The following NR1D1 variants were observed in gnomAD, a reference collection of about 807,000 sequenced individuals.
NR1D1 encodes nuclear receptor subfamily 1 group D member 1.
NR1D1 carries 17 observed loss-of-function variants against 51.1 expected under a neutral mutation model. That is an observed-to-expected ratio of 0.33 (90% CI 0.23 to 0.50). The LOEUF is 0.50. NR1D1 is among the 20% of genes least tolerant of loss of function. NR1D1 has a pLI of 0.98. For synonymous variants in NR1D1, 341 were observed against 333.4 expected, an observed-to-expected ratio of 1.02 and a Z score of -0.25; for missense variants, 647 against 830.4, an observed-to-expected ratio of 0.78 and a Z score of 2.71.
At chr17:40,094,879 C>G (rs979996429) in intron 6 of NR1D1, 56 bp downstream of exon 6, 10 of 1,566,298 alleles carry the variant, frequency 6.4e-6, no homozygotes, top group East Asian at 2.3e-5. Flanking sequence ...GCCTGGGCGA[C>G]AAGCGAAACT....
intron 1 of NR1D1, among the ~76,000 whole-genome samples, chr17:40,098,297 C>T (rs534663465): frequency 3.3e-4 from 51 of 152,330 alleles, no homozygotes; most frequent in African/African-American, 1.1e-3. Flanking sequence ...GATCCCAGGA[C>T]ACATGTGACC....
chr17:40,094,149 T>C (rs1276309100), intron 6 of NR1D1, 27 bp from the exon 7 acceptor site: 3 of 1,606,572 alleles, frequency 1.9e-6, no homozygotes, highest in Non-Finnish European at 2.6e-6. Flanking sequence ...ACAGTCATCC[T>C]GGGTGTGGTG....
chr17:40,098,176 A>C (rs1168011501), intron 1 of NR1D1, among the ~76,000 whole-genome samples: 1 of 152,192 alleles, frequency 6.6e-6, no homozygotes, highest in African/African-American at 2.4e-5. Flanking sequence ...TTACATTGCC[A>C]ATGAGGTGGC....
chr17:40,098,912 A>C (rs1177855066), intron 1 of NR1D1, among the ~76,000 whole-genome samples: 1 of 152,028 alleles, frequency 6.6e-6, no homozygotes, highest in African/African-American at 2.4e-5. Flanking sequence ...AGTGGAAAGG[A>C]GTGAGAAGGG....
At chr17:40,097,896 A>C (rs1193606319) in intron 1 of NR1D1, among the ~76,000 whole-genome samples, 1 of 152,358 alleles carries the variant, frequency 6.6e-6, no homozygotes, top group East Asian at 1.9e-4. Flanking sequence ...GGTTTACAAA[A>C]GTAAGACAGT....
intron 6 of NR1D1, 99 bp from the exon 7 acceptor site, chr17:40,094,221 AT>A: frequency 9.6e-7 from 1 of 1,046,106 alleles, no homozygotes; most frequent in Non-Finnish European, 1.5e-6. Flanking sequence ...GCTGCCTTCG[AT>A]TTCTCAGTAG....
Position 40,097,140 on chromosome 17 carries a change from G to T in NR1D1, c.295C>A (p.Pro99Thr). The change falls in exon 2 of 8, where the codon CCC (proline) becomes ACC (threonine). Residue 99 changes from proline to threonine, a missense_variant. Pro to Thr is a conservative substitution (Grantham distance 38, BLOSUM62 -1). Coordinates refer to ENST00000246672, the MANE Select transcript of NR1D1 (RefSeq NM_021724.5). ...ATGGCCACTTGTAGACTCCCAGGGGGGCTCCCATTATAGAAGGAGGAGGAG... is the reference window on the plus strand; with the variant it reads ...ATGGCCACTTGTAGACTCCCAGGGGTGCTCCCATTATAGAAGGAGGAGGAG... Reference protein sequence around the residue: ...SSSSSFYNGSPPGSLQVAMED... With the variant: ...SSSSSFYNGSTPGSLQVAMED... The T allele has an allele frequency of 6.2e-7, 1 of 1,611,268 alleles. No homozygotes were observed. Among genetic ancestry groups the T allele is most frequent in the Middle Eastern group, 1.7e-4 (1 of 6,048 alleles).
In NR1D1 at chr17:40,100,163, G is replaced by T; in HGVS notation, c.-69C>A. 7.9e-7 allele frequency: 1 copy of T among 1,267,760 alleles called. No homozygotes were observed. The highest frequency in any genetic ancestry group is 1.2e-6 in the Non-Finnish European group (1 of 865,770). 78.5% of individuals were successfully genotyped at this position (1,267,760 alleles called of 1,614,324 possible). A position where few individuals can be genotyped will look rare whatever the true frequency, so the allele number is the denominator to read the frequency against. Reference sequence around the variant, plus strand: ...CAAACTAGAGGTTGCGATCGCCGCTGTTGCCCCCTGGGCACTGGCTAAGGG... The same window carrying T: ...CAAACTAGAGGTTGCGATCGCCGCTTTTGCCCCCTGGGCACTGGCTAAGGG... On this transcript the variant is annotated 5_prime_UTR_variant, in exon 1 of 8. Coordinates refer to ENST00000246672, the MANE Select transcript of NR1D1 (RefSeq NM_021724.5).
In NR1D1 at chr17:40,100,553, G is replaced by A. The variant is rs199703673; in HGVS notation, c.-459C>T. 54 of 436,970 alleles carry A rather than the reference G, an allele frequency of 1.2e-4. No homozygotes were observed. Among genetic ancestry groups the A allele is most frequent in the Non-Finnish European group, 1.3e-4 (33 of 247,234 alleles). The allele number at this position is 436,970 out of a possible 1,614,324, so 27.1% of individuals were successfully genotyped here. On this transcript the variant is annotated 5_prime_UTR_variant, in exon 1 of 8. Transcript: ENST00000246672. ...CGAGTCGCAAAGAGGCGAGACGTGT[G>A]CCCTGCTACGTTCCCTCGGCAGTAA...
chr17:40,094,828 G>A (rs1987713866), intron 6 of NR1D1, 107 bp downstream of exon 6: 3 of 1,020,682 alleles, frequency 2.9e-6, no homozygotes, highest in Non-Finnish European at 4.3e-6. Context: ...AACCCAGGAG[G>A]TGGAGGTTGC....
chr17:40,098,177 A>G (rs1232757853), intron 1 of NR1D1, among the ~76,000 whole-genome samples: 2 of 152,200 alleles, frequency 1.3e-5, no homozygotes, highest in African/African-American at 4.8e-5. Context: ...TACATTGCCA[A>G]TGAGGTGGCT....
intron 5 of NR1D1, 124 bp from the exon 6 acceptor site, chr17:40,095,244 TC>T: frequency 1.7e-6 from 2 of 1,172,504 alleles, no homozygotes; most frequent in Non-Finnish European, 2.4e-6. Flanking sequence ...GATGGGTCTT[TC>T]AGATAAAGTA....
chr17:40,092,885 A>C lies in NR1D1; in HGVS notation c.*198T>G. The C allele has an allele frequency of 1.6e-6, 2 of 1,271,714 alleles. No individual in the cohort carries two copies. The highest frequency in any genetic ancestry group is 2.8e-4 in the Middle Eastern group (1 of 3,572). The allele number at this position is 1,271,714 out of a possible 1,614,324, so 78.8% of individuals were successfully genotyped here. The stretch of plus-strand genomic sequence containing the variant: ...GGAGACAGAGTGGTTTAAATAGGGG[A>C]GGAGGGGAAGTTCGGTGATGGGGGA... On this transcript the variant is annotated 3_prime_UTR_variant, in exon 8 of 8. Transcript: ENST00000246672.
intron 5 of NR1D1, 57 bp from the exon 6 acceptor site, chr17:40,095,177 G>T: frequency 6.5e-7 from 1 of 1,529,118 alleles, no homozygotes; most frequent in Non-Finnish European, 8.9e-7. Flanking sequence ...TCAGATGGAC[G>T]CCCCGAGCAG....
In NR1D1 at chr17:40,093,423, T is replaced by C; in HGVS notation, c.1646-141A>G. The C allele has an allele frequency of 6.3e-7, 1 of 1,581,362 alleles. No homozygotes were observed. The highest frequency in any genetic ancestry group is 8.6e-7 in the Non-Finnish European group (1 of 1,162,912). On this transcript the variant is annotated intron_variant, in intron 7 of 7. Transcript: ENST00000246672. The surrounding 1 kb of genome is among the most constrained non-coding windows in gnomAD (Gnocchi z 5.9). ...CGATGGGGAAGGAGAAGGAGTGCCA[T>C]ACCTTCTCCCAGGCCTCTGCCCCAA... is the stretch of plus-strand genomic sequence containing the variant.
intron 1 of NR1D1, among the ~76,000 whole-genome samples, chr17:40,098,714 C>A (rs149771287): frequency 6.6e-6 from 1 of 152,310 alleles, no homozygotes; most frequent in African/African-American, 2.4e-5. Context: ...AGTATCATTT[C>A]AGCTATGATT....
At position 40,100,347 on chromosome 17, in the gene NR1D1, C is replaced by T. The variant is rs201754351; in HGVS notation, c.-253G>A. ...GAGAGAGTGTGTAGGGGGAATCAGC[C>T]TGCAGTAGTTCTGGCTAGAAGGTAG... On this transcript the variant is annotated 5_prime_UTR_variant, in exon 1 of 8. Coordinates refer to ENST00000246672, the MANE Select transcript of NR1D1 (RefSeq NM_021724.5). 2 of 601,290 alleles carry T rather than the reference C, an allele frequency of 3.3e-6. No individual in the cohort carries two copies. Among genetic ancestry groups the T allele is most frequent in the Admixed American group, 5.9e-5 (2 of 33,978 alleles). The allele number at this position is 601,290 out of a possible 1,614,324, so 37.2% of individuals were successfully genotyped here.
At chr17:40,096,221 C>A in intron 4 of NR1D1, 134 bp from the exon 5 acceptor site, 1 of 1,372,804 alleles carries the variant, frequency 7.3e-7, no homozygotes, top group Non-Finnish European at 9.8e-7. Context: ...CAAGTCCCCA[C>A]CCATCAAGGG....
Position 40,093,075 on chromosome 17 carries a change from C to A in NR1D1, c.*8G>T. On this transcript the variant is annotated 3_prime_UTR_variant, in exon 8 of 8. Coordinates refer to ENST00000246672, the MANE Select transcript of NR1D1 (RefSeq NM_021724.5). This position sits in a 1 kb window ranked among gnomAD's most constrained non-coding sequence, Gnocchi z 5.9. Reference sequence around the variant, plus strand: ...AAGGGGGCAGCGGCAGAAGGCCGGCCGGGCGGGTCACTGGGCGTCCACCCG... The same window carrying A: ...AAGGGGGCAGCGGCAGAAGGCCGGCAGGGCGGGTCACTGGGCGTCCACCCG... 1 of 1,614,060 alleles carries A rather than the reference C, an allele frequency of 6.2e-7. No homozygotes were observed. The highest frequency in any genetic ancestry group is 1.7e-5 in the Admixed American group (1 of 60,020).
Sources: allele counts gnomAD v4.1 joint callset (sites outside exome capture counted in the v4.1 genomes callset), GRCh38; gene constraint gnomAD v4.1.1; non-coding constraint Gnocchi (gnomAD v3.1); transcripts MANE v1.5; gene names NCBI Gene and HGNC (gene_info 2026-07-23, HGNC 2026-07-21).